RNF150: variants seen among roughly 807,000 people sequenced by gnomAD.
RNF150 encodes the protein ring finger protein 150.
In RNF150, 24 loss-of-function variants were observed where a neutral mutation model predicts 39.3. The ratio of observed to expected loss-of-function variants is 0.61; its 90% confidence interval spans 0.44 to 0.86. RNF150 has a LOEUF of 0.86. RNF150 is among the 40% of genes least tolerant of loss of function. RNF150 has a pLI of 0.00. For synonymous variants in RNF150, 255 were observed against 227.3 expected (o/e 1.12, Z -1.10); for missense variants, 502 against 587.8 (o/e 0.85, Z 1.51).
chr4:141,182,201 T>C (rs2111189675), intron 1 of RNF150, among the ~76,000 whole-genome samples: 1 of 135,274 alleles, frequency 7.4e-6, no homozygotes, highest in Middle Eastern at 3.4e-3. Flanking sequence ...GAGCTATCTA[T>C]GACAAACCCA....
chr4:140,916,142 C>T (rs552768681), intron 5 of RNF150, among the ~76,000 whole-genome samples: 2 of 152,292 alleles, frequency 1.3e-5, no homozygotes, highest in South Asian at 4.1e-4. Flanking sequence ...GAGCACCTCT[C>T]CTCCTCCAAA....
rs563201088 is a variant in RNF150 at position 140,968,502 on chromosome 4, A to G, written c.485-629T>C. Among the ~76,000 whole-genome samples, 23 of 152,060 alleles carry G rather than the reference A, an allele frequency of 1.5e-4. 1 individual carries two copies. The South Asian group carries it at 4.8e-3, about 32-fold the overall frequency. ...TTTTCTGCTTATTTTACCTAATTCA[A>G]TGGAAACAGCATGTTTCCACTGAAC... On this transcript the variant is annotated intron_variant, in intron 1 of 6. Coordinates refer to ENST00000515673, the MANE Select transcript of RNF150 (RefSeq NM_020724.2).
At chr4:141,176,249 A>G (rs1727810390) in intron 1 of RNF150, among the ~76,000 whole-genome samples, 1 of 152,034 alleles carries the variant, frequency 6.6e-6, no homozygotes, top group Non-Finnish European at 1.5e-5. Context: ...GTCCAACCTT[A>G]TGGTATCATC....
intron 2 of RNF150, among the ~76,000 whole-genome samples, chr4:140,958,000 A>T (rs2111397258): frequency 6.6e-6 from 1 of 152,158 alleles, no homozygotes; most frequent in African/African-American, 2.4e-5. Flanking sequence ...ATATGTAACT[A>T]ACCTGCACAT....
intron 6 of RNF150, among the ~76,000 whole-genome samples, chr4:140,901,197 G>A (rs1251005001): frequency 6.6e-6 from 1 of 152,174 alleles, no homozygotes; most frequent in Non-Finnish European, 1.5e-5. Context: ...ACAGTTAGAC[G>A]TTAGAATCTT....
intron 2 of RNF150, among the ~76,000 whole-genome samples, chr4:140,962,820 A>G (rs997678946): frequency 2.0e-5 from 3 of 152,018 alleles, no homozygotes; most frequent in African/African-American, 7.2e-5. Context: ...AACAATGAAT[A>G]AAGAAATTAA....
intron 1 of RNF150, among the ~76,000 whole-genome samples, chr4:141,202,972 A>G (rs1311724342): frequency 6.6e-6 from 1 of 151,328 alleles, no homozygotes; most frequent in Non-Finnish European, 1.5e-5. Context: ...TTTTTGTGAA[A>G]ATGCTGAAAG....
At chr4:141,181,563 A>C (rs190113412) in intron 1 of RNF150, among the ~76,000 whole-genome samples, 138 of 152,284 alleles carry the variant, frequency 9.1e-4, no homozygotes, top group African/African-American at 3.2e-3. Context: ...TGGGCACGAG[A>C]AATCACTCAT....
intron 1 of RNF150, among the ~76,000 whole-genome samples, chr4:140,980,822 G>A (rs1215072891): frequency 6.6e-6 from 1 of 152,094 alleles, no homozygotes; most frequent in East Asian, 1.9e-4. Context: ...ACCAGTCTCA[G>A]GCAGTTCGTT....
chr4:140,949,172 A>T, intron 3 of RNF150, 129 bp downstream of exon 3: 2 of 610,292 alleles, frequency 3.3e-6, no homozygotes. Context: ...ATAATAACAG[A>T]TACTGATAGG....
chr4:140,898,096 C>T (rs1438077106), intron 6 of RNF150, among the ~76,000 whole-genome samples: 1 of 152,140 alleles, frequency 6.6e-6, no homozygotes, highest in Non-Finnish European at 1.5e-5. Flanking sequence ...GACCTACTAC[C>T]ACTCAGTATG....
At chr4:141,177,430 C>T (rs1248463683) in intron 1 of RNF150, among the ~76,000 whole-genome samples, 1 of 152,100 alleles carries the variant, frequency 6.6e-6, no homozygotes, top group Admixed American at 6.6e-5. Context: ...ATCTCTCTCT[C>T]TCTCAACATT....
intron 1 of RNF150, among the ~76,000 whole-genome samples, chr4:141,048,000 T>C (rs1736642577): frequency 6.6e-6 from 1 of 152,152 alleles, no homozygotes; most frequent in Non-Finnish European, 1.5e-5. Flanking sequence ...GAAACACGTC[T>C]GTGAGTGTGC....
chr4:141,123,700 C>A lies in RNF150; in HGVS notation c.484+8625G>T, dbSNP rs918994888. On this transcript the variant is annotated intron_variant, in intron 1 of 6. Coordinates refer to ENST00000515673, the MANE Select transcript of RNF150 (RefSeq NM_020724.2). ...ATATCTCCTAATGCTATCCCTCCCC[C>A]ACCGCCCAACCCCACAACAGGCCCT... 3.9e-5 allele frequency among the ~76,000 whole-genome samples: 6 copies of A among 152,138 alleles called. No homozygotes were observed. In the East Asian group the frequency reaches 1.2e-3, roughly 29 times the overall value.
intron 4 of RNF150, among the ~76,000 whole-genome samples, chr4:140,928,502 G>T (rs1049742189): frequency 6.6e-6 from 1 of 152,078 alleles, no homozygotes; most frequent in Non-Finnish European, 1.5e-5. Flanking sequence ...CTTCCAAAAA[G>T]CAATTTTGAC....
intron 1 of RNF150, among the ~76,000 whole-genome samples, chr4:141,037,601 T>C (rs923112525): frequency 6.6e-6 from 1 of 152,170 alleles, no homozygotes; most frequent in East Asian, 1.9e-4. Flanking sequence ...TGTTTTTTCA[T>C]TGTGTAAACA....
At chr4:141,163,555 T>C (rs892245570) in intron 1 of RNF150, among the ~76,000 whole-genome samples, 3 of 152,118 alleles carry the variant, frequency 2.0e-5, no homozygotes, top group African/African-American at 7.2e-5. Context: ...ACAGGAAAGC[T>C]CCAGCTGGCA....
At chr4:141,120,001 G>T (rs1384675921) in intron 1 of RNF150, among the ~76,000 whole-genome samples, 5 of 152,188 alleles carry the variant, frequency 3.3e-5, no homozygotes, top group Non-Finnish European at 2.9e-5. Context: ...CCTTAAGTGA[G>T]CAGTACATCT....
At chr4:141,112,404 C>A (rs998227785) in intron 1 of RNF150, among the ~76,000 whole-genome samples, 1 of 152,128 alleles carries the variant, frequency 6.6e-6, no homozygotes, top group Non-Finnish European at 1.5e-5. Flanking sequence ...TTCAGGACCT[C>A]TTGTAATGCA....
Sources: allele counts gnomAD v4.1 joint callset (sites outside exome capture counted in the v4.1 genomes callset), GRCh38; gene constraint gnomAD v4.1.1; transcripts MANE v1.5; gene names NCBI Gene and HGNC (gene_info 2026-07-23, HGNC 2026-07-21).